ARHGAP10: variants seen among roughly 807,000 people sequenced by gnomAD.
The protein encoded by ARHGAP10 is rho GTPase-activating protein 10.
Under a neutral mutation model 108.6 loss-of-function variants are expected in ARHGAP10, and 87 were observed. That is an observed-to-expected ratio of 0.80 (90% CI 0.67 to 0.96). The LOEUF (loss-of-function observed/expected upper bound fraction) is 0.96. Among genes scored for constraint, ARHGAP10 ranks in the 40% least tolerant of loss-of-function variants. The pLI is 0.00. For synonymous variants in ARHGAP10, 347 were observed against 341.1 expected, an observed-to-expected ratio of 1.02 and a Z score of -0.19; for missense variants, 939 against 954.5, an observed-to-expected ratio of 0.98 and a Z score of 0.21.
chr4:147,894,437 T>C (rs542922859), intron 10 of ARHGAP10, among the ~76,000 whole-genome samples: 54 of 152,312 alleles, frequency 3.5e-4, no homozygotes, highest in African/African-American at 1.2e-3. Context: ...ATTGTAGGAA[T>C]TATTTAGAAA....
At chr4:147,854,963 C>A in intron 4 of ARHGAP10, 1 of 739,274 alleles carries the variant, frequency 1.4e-6, no homozygotes, top group Non-Finnish European at 1.7e-6. Context: ...CCTTCTATTG[C>A]TGAGTGTGCT....
intron 19 of ARHGAP10, among the ~76,000 whole-genome samples, chr4:148,044,245 G>T (rs570899679): frequency 6.6e-6 from 1 of 152,150 alleles, no homozygotes; most frequent in African/African-American, 2.4e-5. Flanking sequence ...TGCTCTATCT[G>T]GTTGTAAAAA....
At chr4:148,045,667 G>A (rs1337012689) in intron 19 of ARHGAP10, among the ~76,000 whole-genome samples, 1 of 148,496 alleles carries the variant, frequency 6.7e-6, no homozygotes, top group Non-Finnish European at 1.5e-5. Context: ...GAACCTGGGA[G>A]GCGGAGCTTG....
In ARHGAP10 at chr4:148,029,109, G is replaced by A. The variant is rs115914598; in HGVS notation, c.1867+5696G>A. ...ATGTCTTGGTATAAATAGTGTATAT[G>A]GAAATAGTGTATATGGGAAAGTCAG... On this transcript the variant is annotated intron_variant, in intron 19 of 22. Transcript: ENST00000336498. Among the ~76,000 whole-genome samples the A allele has an allele frequency of 3.9e-3, 588 of 152,204 alleles. 5 individuals are homozygous for A. The highest frequency in any genetic ancestry group is 0.013 in the African/African-American group (551 of 41,530).
At position 147,939,794 on chromosome 4, in the gene ARHGAP10, T is replaced by A. The variant is rs201642310; in HGVS notation, c.1229-31T>A. The A allele has an allele frequency of 3.8e-6, 6 of 1,577,938 alleles. No individual in the cohort carries two copies. In the Admixed American group the frequency reaches 1.0e-4, roughly 26 times the overall value. On this transcript the variant is annotated intron_variant, in intron 13 of 22. Coordinates refer to ENST00000336498, the MANE Select transcript of ARHGAP10 (RefSeq NM_024605.4). ...TGGCTTTTAAAATATGATAGTCTTC[T>A]ATTTTGCTAATAGTTTGTTTCTTCC...
intron 8 of ARHGAP10, 37 bp downstream of exon 8, chr4:147,875,187 A>C (rs750827875): frequency 5.5e-5 from 83 of 1,518,368 alleles, no homozygotes; most frequent in Non-Finnish European, 4.1e-5. Flanking sequence ...GTGGCTGCTT[A>C]AAAATGCAAA....
intron 18 of ARHGAP10, among the ~76,000 whole-genome samples, chr4:148,013,761 C>T (rs545921749): frequency 6.6e-6 from 1 of 152,266 alleles, no homozygotes; most frequent in South Asian, 2.1e-4. Context: ...AGAAAAATAG[C>T]ATTCACGTTG....
intron 13 of ARHGAP10, among the ~76,000 whole-genome samples, chr4:147,915,139 T>C (rs1359506928): frequency 1.3e-5 from 2 of 152,164 alleles, no homozygotes; most frequent in East Asian, 1.9e-4. Context: ...ATGAAACTAG[T>C]GTGTAGGATA....
intron 18 of ARHGAP10, among the ~76,000 whole-genome samples, chr4:148,014,220 C>G (rs1194030497): frequency 6.6e-6 from 1 of 152,092 alleles, no homozygotes; most frequent in East Asian, 1.9e-4. Flanking sequence ...AGGACACATT[C>G]AAAAAAGGCT....
chr4:147,888,637 T>C (rs2126882478), intron 10 of ARHGAP10, among the ~76,000 whole-genome samples: 1 of 152,338 alleles, frequency 6.6e-6, no homozygotes, highest in Middle Eastern at 3.4e-3. Context: ...GAAGCTGCTT[T>C]TTAAAAACAA....
intron 16 of ARHGAP10, among the ~76,000 whole-genome samples, chr4:147,963,949 C>T (rs1305086033): frequency 6.6e-6 from 1 of 152,210 alleles, no homozygotes; most frequent in African/African-American, 2.4e-5. Flanking sequence ...AAGCCCCACC[C>T]TACTTCAGTT....
intron 13 of ARHGAP10, among the ~76,000 whole-genome samples, chr4:147,937,494 A>T (rs957497304): frequency 6.6e-6 from 1 of 152,222 alleles, no homozygotes; most frequent in Non-Finnish European, 1.5e-5. Flanking sequence ...ACAGAAGGAA[A>T]AATAGGACAT....
chr4:147,926,168 CTCTT>C (rs1737452792), intron 13 of ARHGAP10, among the ~76,000 whole-genome samples: 1 of 152,120 alleles, frequency 6.6e-6, no homozygotes, highest in Admixed American at 6.5e-5. Context: ...TCTGCCTTAA[CTCTT>C]TCTGTAGGCT....
rs745790210 is a variant in ARHGAP10, at chr4:147,732,254, C to T, written c.-48C>T. 1.3e-6 allele frequency: 2 copies of T among 1,516,676 alleles called. No individual in the cohort carries two copies. The highest frequency in any genetic ancestry group is 1.5e-5 in the African/African-American group (1 of 68,370). The allele number at this position is 1,516,676 out of a possible 1,614,324, so 94.0% of individuals were successfully genotyped here. On this transcript the variant is annotated 5_prime_UTR_variant, in exon 1 of 23. Coordinates refer to ENST00000336498, the MANE Select transcript of ARHGAP10 (RefSeq NM_024605.4). ...CTGGCAGCGGCCTCGGAGCTCGGCT[C>T]GGGCAGGAGCGCGCGGCCGTGCGCA...
At chr4:148,042,850 G>A (rs1399284444) in intron 19 of ARHGAP10, among the ~76,000 whole-genome samples, 1 of 152,170 alleles carries the variant, frequency 6.6e-6, no homozygotes, top group East Asian at 1.9e-4. Context: ...AACGGGAGAG[G>A]ATGAGAATCC....
chr4:147,733,593 T>A (rs1578978594), intron 1 of ARHGAP10, among the ~76,000 whole-genome samples: 1 of 152,198 alleles, frequency 6.6e-6, no homozygotes, highest in East Asian at 1.9e-4. Flanking sequence ...CTGGGGAAAA[T>A]CCCCCATCTC....
At chr4:147,778,285 CT>C (rs1305771843) in intron 1 of ARHGAP10, among the ~76,000 whole-genome samples, 1 of 152,074 alleles carries the variant, frequency 6.6e-6, no homozygotes, top group Non-Finnish European at 1.5e-5. Flanking sequence ...CTTTTTGCCC[CT>C]CATATCACGT....
chr4:147,811,220 C>T (rs901040540), intron 1 of ARHGAP10, among the ~76,000 whole-genome samples: 9 of 152,216 alleles, frequency 5.9e-5, no homozygotes, highest in Non-Finnish European at 1.2e-4. Context: ...CTGGTAAGTG[C>T]GGGCCCCAGG....
intron 19 of ARHGAP10, among the ~76,000 whole-genome samples, chr4:148,024,467 G>T (rs923431401): frequency 6.6e-6 from 1 of 152,136 alleles, no homozygotes; most frequent in East Asian, 1.9e-4. Context: ...AGAGATCCAC[G>T]CAAGCAGGTG....
Sources: gnomAD v4.1 joint callset for allele counts (sites outside exome capture counted in the v4.1 genomes callset) on GRCh38, gnomAD v4.1.1 for gene constraint, MANE v1.5 for transcripts, NCBI Gene and HGNC (gene_info 2026-07-23, HGNC 2026-07-21) for gene names.